Variants in AP1G1 observed in about 807,000 individuals in gnomAD.
AP1G1 encodes adaptor related protein complex 1 subunit gamma 1.
A neutral mutation model predicts 108.3 loss-of-function variants in AP1G1; 7 were observed. The observed-to-expected ratio is 0.06, with a 90% CI of 0.04 to 0.12. AP1G1 has a LOEUF of 0.12. Among genes scored for constraint, AP1G1 ranks in the 10% least tolerant of loss-of-function variants. AP1G1 has a pLI of 1.00. For missense variants in AP1G1, 756 were observed against 1,010.7 expected (o/e 0.75, Z 3.42); for synonymous variants, 379 against 353.5 (o/e 1.07, Z -0.81).
At chr16:71,789,627 T>TA in intron 1 of AP1G1, 145 bp from the exon 2 acceptor site, 1 of 758,412 alleles carries the variant, frequency 1.3e-6, no homozygotes, top group Non-Finnish European at 2.1e-6. Context: ...CAAAGCGTGC[T>TA]AAGCTTCCGC....
At chr16:71,748,762 A>G (rs2030320366) in intron 15 of AP1G1, among the ~76,000 whole-genome samples, 1 of 152,198 alleles carries the variant, frequency 6.6e-6, no homozygotes, top group Non-Finnish European at 1.5e-5. Flanking sequence ...AAGAACATGG[A>G]TACATGTCTC....
chr16:71,779,090 A>G (rs531346067), intron 2 of AP1G1, among the ~76,000 whole-genome samples: 2 of 152,296 alleles, frequency 1.3e-5, no homozygotes, highest in East Asian at 3.9e-4. Context: ...TTTTACTTCA[A>G]ACTCTTCTCA....
At chr16:71,771,502 A>C (rs184460532) in intron 4 of AP1G1, among the ~76,000 whole-genome samples, 1 of 152,226 alleles carries the variant, frequency 6.6e-6, no homozygotes, top group Admixed American at 6.5e-5. Flanking sequence ...CCTGGGCAAC[A>C]CAGTAAGAAC....
intron 1 of AP1G1, among the ~76,000 whole-genome samples, chr16:71,796,331 T>C (rs1048667753): frequency 1.3e-5 from 2 of 152,212 alleles, no homozygotes; most frequent in African/African-American, 2.4e-5. Flanking sequence ...AATTCTTTGA[T>C]CAGGTTTCAC....
chr16:71,789,267 A>G lies in AP1G1; in HGVS notation c.201+12T>C, dbSNP rs764739282. 2 of 1,610,364 alleles carry G rather than the reference A, an allele frequency of 1.2e-6. No homozygotes were observed. The highest frequency in any genetic ancestry group is 2.2e-5 in the East Asian group (1 of 44,792). ...GAATACCCTTGCTACATGTAGTCTCAGCCCAGCCTACCTGTCCAAAGTGAG... is the reference window on the plus strand; with the variant it reads ...GAATACCCTTGCTACATGTAGTCTCGGCCCAGCCTACCTGTCCAAAGTGAG... On this transcript the variant is annotated intron_variant, in intron 2 of 22. Transcript: ENST00000299980.
intron 2 of AP1G1, among the ~76,000 whole-genome samples, chr16:71,781,715 T>C (rs996347337): frequency 2.0e-5 from 3 of 152,268 alleles, no homozygotes; most frequent in African/African-American, 7.2e-5. Context: ...CACTTTTGAA[T>C]ATAAACTTAC....
chr16:71,760,845 C>T (rs1024636621), intron 10 of AP1G1, among the ~76,000 whole-genome samples: 2 of 152,176 alleles, frequency 1.3e-5, no homozygotes, highest in Non-Finnish European at 2.9e-5. Flanking sequence ...CTACGCCTAG[C>T]TTCCACATCT....
At chr16:71,769,464 C>T (rs929112609) in intron 6 of AP1G1, 159 bp downstream of exon 6, 3 of 677,954 alleles carry the variant, frequency 4.4e-6, no homozygotes, top group Non-Finnish European at 5.4e-6. Flanking sequence ...ACTTATATGC[C>T]TAAATCTGGC....
intron 6 of AP1G1, chr16:71,767,767 C>T: frequency 9.1e-7 from 1 of 1,103,710 alleles, no homozygotes; most frequent in Non-Finnish European, 1.3e-6. Flanking sequence ...CAGTATTAAG[C>T]ACAGCTTCAG....
chr16:71,779,881 G>A (rs2031938948), intron 2 of AP1G1, among the ~76,000 whole-genome samples: 2 of 152,064 alleles, frequency 1.3e-5, no homozygotes, highest in African/African-American at 4.8e-5. Context: ...ACTTTGGGGA[G>A]GCCAAGGCGG....
chr16:71,788,162 G>A (rs915408008), intron 2 of AP1G1, among the ~76,000 whole-genome samples: 9 of 152,134 alleles, frequency 5.9e-5, no homozygotes, highest in African/African-American at 2.2e-4. Flanking sequence ...TTGGGGGCAG[G>A]AGATCTCCTT....
At chr16:71,743,035 T>C (rs929358599) in intron 19 of AP1G1, 1 of 152,138 alleles carries the variant, frequency 6.6e-6, no homozygotes, top group Non-Finnish European at 1.5e-5. Context: ...CAGAGCAAAT[T>C]TGTTGATAAA....
chr16:71,786,741 G>A (rs1334675674), intron 2 of AP1G1, among the ~76,000 whole-genome samples: 1 of 152,052 alleles, frequency 6.6e-6, no homozygotes, highest in Non-Finnish European at 1.5e-5. Flanking sequence ...GTACAGGCGT[G>A]AGCCACCGCA....
intron 4 of AP1G1, chr16:71,772,999 T>C (rs972594070): frequency 1.4e-5 from 9 of 628,696 alleles, no homozygotes; most frequent in Non-Finnish European, 2.3e-5. Context: ...ACTTAGGAAT[T>C]TGGTATGCCA....
In AP1G1 at chr16:71,764,713, C is replaced by T. The variant is rs768590978; in HGVS notation, c.752G>A (p.Arg251Gln). The T allele has an allele frequency of 4.3e-6, 7 of 1,609,666 alleles. No individual in the cohort carries two copies. The highest frequency in any genetic ancestry group is 1.1e-5 in the South Asian group (1 of 89,818). The change falls in exon 8 of 23, where the codon CGG becomes CAG. Residue 251 changes from arginine to glutamine, a missense_variant. Physicochemically the swap from Arg to Gln is conservative, Grantham distance 43 (BLOSUM62 1). Around this residue, in one of 3 missense-constraint regions of AP1G1, gnomAD observed 304 missense variants for 483.6 expected, o/e 0.63. Coordinates refer to ENST00000299980, the MANE Select transcript of AP1G1 (RefSeq NM_001128.6). ...SDPFLQVRIL[R>Q]LLRILGRNDD... Reference sequence around the variant, plus strand: ...ATTTCGTCCTAAAATTCTTAATAACCGCAAAATTCGTACCTAACGTGCAAA... The same window carrying T: ...ATTTCGTCCTAAAATTCTTAATAACTGCAAAATTCGTACCTAACGTGCAAA...
chr16:71,777,718 C>G, intron 2 of AP1G1: 1 of 444,996 alleles, frequency 2.2e-6, no homozygotes. Flanking sequence ...CGGGCCCGTT[C>G]TCCTCCTCCT....
intron 19 of AP1G1, among the ~76,000 whole-genome samples, chr16:71,739,766 AAGAG>A (rs1402367350): frequency 1.3e-5 from 2 of 151,764 alleles, no homozygotes; most frequent in Admixed American, 6.6e-5. Context: ...AAAAAAAGTA[AAGAG>A]AGAGAGCCCA....
chr16:71,792,349 C>T (rs150721688), intron 1 of AP1G1, among the ~76,000 whole-genome samples: 6 of 152,202 alleles, frequency 3.9e-5, no homozygotes, highest in Middle Eastern at 3.4e-3. Context: ...GAAGATAATG[C>T]TTAACATATG....
intron 2 of AP1G1, among the ~76,000 whole-genome samples, chr16:71,781,023 A>C (rs746843983): frequency 7.9e-5 from 12 of 152,054 alleles, no homozygotes; most frequent in Admixed American, 1.3e-4. Context: ...TCACTATGTT[A>C]CCTGGGCTGG....
Sources: gnomAD v4.1 joint callset for allele counts (sites outside exome capture counted in the v4.1 genomes callset) on GRCh38, gnomAD v4.1.1 for gene constraint, gnomAD v4.1.1 regional missense constraint, MANE v1.5 for transcripts, NCBI Gene and HGNC (gene_info 2026-07-23, HGNC 2026-07-21) for gene names.